The following RNF135 variants were observed in gnomAD, a reference collection of about 807,000 sequenced individuals.
The protein encoded by RNF135 is E3 ubiquitin-protein ligase RNF135.
Under a neutral mutation model 41.9 loss-of-function variants are expected in RNF135, and 46 were observed. The ratio of observed to expected loss-of-function variants is 1.10; its 90% confidence interval spans 0.87 to 1.40. The LOEUF is 1.40. Ranked by LOEUF, RNF135 falls within the 40% of genes most tolerant of loss-of-function variation. RNF135 has a pLI of 0.00. For synonymous variants in RNF135, 238 were observed against 223.8 expected, an observed-to-expected ratio of 1.06 and a Z score of -0.57; for missense variants, 539 against 549.8, an observed-to-expected ratio of 0.98 and a Z score of 0.20.
At chr17:30,970,979 G>A, upstream of RNF135, 1 of 1,497,924 alleles carries the variant, frequency 6.7e-7, no homozygotes, top group Admixed American at 2.0e-5. Flanking sequence ...GCCGAGAAAA[G>A]GAGGAGGGCA....
chr17:30,963,533 C>T, the RNF135 span, among the ~76,000 whole-genome samples: 1 of 151,768 alleles, frequency 6.6e-6, no homozygotes, highest in Non-Finnish European at 1.5e-5. Flanking sequence ...GATCGCACCA[C>T]TGCACACTCC....
chr17:30,971,009 G>A, upstream of RNF135: 5 of 1,529,852 alleles, frequency 3.3e-6, no homozygotes, highest in South Asian at 4.8e-5. Flanking sequence ...GGAAGGGCGA[G>A]GGAGGAGCCT....
intron 3 of RNF135, among the ~76,000 whole-genome samples, chr17:30,991,394 C>T (rs886548197): frequency 1.3e-5 from 2 of 150,588 alleles, no homozygotes; most frequent in East Asian, 1.9e-4. Context: ...GAGTATACTG[C>T]GCGTTTTTTT....
chr17:30,993,043 A>T (rs1054797923), intron 3 of RNF135, among the ~76,000 whole-genome samples: 8 of 144,770 alleles, frequency 5.5e-5, no homozygotes, highest in Admixed American at 2.1e-4. Context: ...TTATTTGTTT[A>T]TTATTATTAT....
At chr17:30,980,475 ACGGGGCGGCTGGCCGGG>A (rs1907023822) in intron 1 of RNF135, among the ~76,000 whole-genome samples, 1 of 105,754 alleles carries the variant, frequency 9.5e-6, no homozygotes, top group African/African-American at 3.3e-5. Flanking sequence ...CACCTCCCGG[ACGGGGCGGCTGGCCGGG>A]CGGGGGGCTG....
intron 4 of RNF135, 155 bp downstream of exon 4, chr17:30,997,486 G>C (rs1320833453): frequency 1.1e-5 from 8 of 716,398 alleles, no homozygotes; most frequent in Non-Finnish European, 1.8e-5. Context: ...TGATTGCAAA[G>C]GCAAAGCAGG....
intron 4 of RNF135, 131 bp from the exon 5 acceptor site, chr17:30,998,531 T>C: frequency 1.2e-6 from 1 of 866,950 alleles, no homozygotes; most frequent in Non-Finnish European, 1.9e-6. Flanking sequence ...TTGGGTGATG[T>C]AGCAATTTTA....
At chr17:30,962,157 G>A in the RNF135 span, among the ~76,000 whole-genome samples, 1 of 150,250 alleles carries the variant, frequency 6.7e-6, no homozygotes, top group African/African-American at 2.5e-5. Flanking sequence ...TTCCCGAGAT[G>A]GAGTCTCTCT....
the RNF135 span, chr17:30,959,357 G>C: frequency 6.6e-6 from 1 of 152,218 alleles, no homozygotes; most frequent in Non-Finnish European, 1.5e-5. Flanking sequence ...CCTCAAGGAA[G>C]AGTATGCTTC....
At chr17:30,989,455 C>T (rs1242526986) in intron 3 of RNF135, among the ~76,000 whole-genome samples, 1 of 152,004 alleles carries the variant, frequency 6.6e-6, no homozygotes, top group African/African-American at 2.4e-5. Context: ...TTAAACAGTA[C>T]CATATAGAAA....
At chr17:30,977,476 A>C (rs1254063809) in intron 1 of RNF135, among the ~76,000 whole-genome samples, 1 of 152,042 alleles carries the variant, frequency 6.6e-6, no homozygotes, top group Non-Finnish European at 1.5e-5. Flanking sequence ...TGGGTTCAAG[A>C]AATTCTCCTG....
At chr17:30,975,238 AC>A (rs1906340294) in intron 1 of RNF135, 1 of 485,424 alleles carries the variant, frequency 2.1e-6, no homozygotes, top group East Asian at 3.5e-5. Flanking sequence ...TACGAAGAAC[AC>A]TTGAATCCAG....
the RNF135 span, chr17:30,959,778 G>A: frequency 6.6e-6 from 1 of 152,144 alleles, no homozygotes; most frequent in Non-Finnish European, 1.5e-5. Context: ...CTTCCGTGCT[G>A]GTCAGTAGAG....
chr17:30,989,555 G>A (rs182468585), intron 3 of RNF135, among the ~76,000 whole-genome samples: 5 of 152,274 alleles, frequency 3.3e-5, no homozygotes, highest in African/African-American at 9.6e-5. Flanking sequence ...GACATTAGAC[G>A]TTAGCTCTGT....
rs750381415 is a variant in RNF135 at position 30,998,816 on chromosome 17, G to A, written c.924G>A (p.Leu308=). The A allele has an allele frequency of 8.2e-5, 133 of 1,613,402 alleles. No homozygotes were observed. Among genetic ancestry groups the A allele is most frequent in the Non-Finnish European group, 1.1e-4 (131 of 1,179,784 alleles). ...STSQVLCSQA[L]SSGKHYWEVD... is the part of the protein sequence containing the mutation. ...GCCAGGTCTTATGTTCCCAGGCCCT[G>A]TCTTCTGGAAAGCATTACTGGGAAG... Residue 308 remains leucine, a synonymous_variant, in exon 5 of 5, where the codon CTG becomes CTA. Coordinates refer to ENST00000328381, the MANE Select transcript of RNF135 (RefSeq NM_032322.4).
chr17:30,970,858 C>T, upstream of RNF135: 1 of 656,278 alleles, frequency 1.5e-6, no homozygotes, highest in Non-Finnish European at 2.5e-6. Flanking sequence ...AAGAGGCCGC[C>T]ACTGAAGGTC....
the RNF135 span, among the ~76,000 whole-genome samples, chr17:30,960,650 T>C: frequency 6.6e-6 from 1 of 152,118 alleles, no homozygotes; most frequent in African/African-American, 2.4e-5. Context: ...TTCATCATTA[T>C]AGATTGTACT....
intron 3 of RNF135, among the ~76,000 whole-genome samples, chr17:30,988,416 ATTTTTT>A (rs56955275): frequency 7.3e-5 from 6 of 81,896 alleles, no homozygotes; most frequent in East Asian, 2.9e-4. Flanking sequence ...GCCACTTTTA[ATTTTTT>A]TTTTTTTTTT....
intron 1 of RNF135, among the ~76,000 whole-genome samples, chr17:30,979,666 C>T (rs1028198679): frequency 3.9e-5 from 5 of 126,612 alleles, no homozygotes; most frequent in African/African-American, 1.2e-4. Context: ...GGGGGCTGAT[C>T]CCCCCCACCT....
Sources: gnomAD v4.1 joint callset for allele counts (sites outside exome capture counted in the v4.1 genomes callset) on GRCh38, gnomAD v4.1.1 for gene constraint, MANE v1.5 for transcripts, NCBI Gene and HGNC (gene_info 2026-07-23, HGNC 2026-07-21) for gene names.